PRKD1: variants seen among roughly 807,000 people sequenced by gnomAD.
The protein encoded by PRKD1 is protein kinase D1.
PRKD1 carries 63 observed loss-of-function variants against 95.9 expected under a neutral mutation model. The observed-to-expected ratio is 0.66, with a 90% confidence interval of 0.54 to 0.81. PRKD1 has a LOEUF of 0.81. Ranked by LOEUF, PRKD1 falls within the 30% of genes least tolerant of loss-of-function variation. The pLI is 0.00. For missense variants in PRKD1, 1,048 were observed against 1,165.3 expected, an observed-to-expected ratio of 0.90 and a Z score of 1.47; for synonymous variants, 425 against 423.1, an observed-to-expected ratio of 1.00 and a Z score of -0.05.
intron 2 of PRKD1, among the ~76,000 whole-genome samples, chr14:29,668,957 A>G (rs572113687): frequency 2.5e-4 from 38 of 152,320 alleles, no homozygotes; most frequent in African/African-American, 9.1e-4. Flanking sequence ...GGCAGTCCTG[A>G]CACCAGAACC....
intron 1 of PRKD1, among the ~76,000 whole-genome samples, chr14:29,843,354 G>A (rs1284140670): frequency 6.6e-6 from 1 of 152,124 alleles, no homozygotes; most frequent in African/African-American, 2.4e-5. Context: ...TATTGTTTAA[G>A]TCACCCATTC....
intron 2 of PRKD1, among the ~76,000 whole-genome samples, chr14:29,699,183 T>C (rs1884695928): frequency 6.6e-6 from 1 of 152,196 alleles, no homozygotes; most frequent in South Asian, 2.1e-4. Context: ...AGAGTAAAAA[T>C]GAATTGCTTG....
intron 1 of PRKD1, among the ~76,000 whole-genome samples, chr14:29,865,603 G>A (rs1163136054): frequency 4.6e-5 from 7 of 152,142 alleles, no homozygotes; most frequent in African/African-American, 1.7e-4. Context: ...ATGGGATGAT[G>A]AGGCACAAAT....
At chr14:29,716,659 T>A (rs1053243373) in intron 2 of PRKD1, among the ~76,000 whole-genome samples, 1 of 152,190 alleles carries the variant, frequency 6.6e-6, no homozygotes, top group Non-Finnish European at 1.5e-5. Context: ...TCAAATGAGA[T>A]GAGTATTGGG....
At chr14:29,927,112 A>G in intron 1 of PRKD1, 137 bp downstream of exon 1, 1 of 950,596 alleles carries the variant, frequency 1.1e-6, no homozygotes, top group Non-Finnish European at 1.4e-6. Context: ...CGGCGGGGCC[A>G]GCCGCTTCCA....
intron 1 of PRKD1, among the ~76,000 whole-genome samples, chr14:29,857,575 T>C (rs866744385): frequency 6.6e-6 from 1 of 152,186 alleles, no homozygotes; most frequent in Admixed American, 6.5e-5. Context: ...GATTCAAGTG[T>C]CCTCTTCAGA....
chr14:29,629,067 A>G lies in PRKD1; in HGVS notation c.1699T>C (p.Ser567Pro). 6.2e-7 allele frequency: 1 copy of G among 1,608,386 alleles called. No homozygotes were observed. Among genetic ancestry groups the G allele is most frequent in the Non-Finnish European group, 8.5e-7 (1 of 1,177,336 alleles). The change falls in exon 11 of 18, where the codon TCA becomes CCA. Residue 567 changes from serine (S) to proline (P), a missense_variant. By Grantham distance (74) the Ser-to-Pro change is moderately conservative (BLOSUM62 -1). Transcript: ENST00000331968. Reference sequence around the variant, plus strand: ...ACATTTTCTTGAATCTGGCAATTTGATACTGAAATACTCACAGAGATATCT... The same window carrying G: ...ACATTTTCTTGAATCTGGCAATTTGGTACTGAAATACTCACAGAGATATCT... The part of the protein sequence containing the change: ...HRDISVSISV[S>P]NCQIQENVDI...
chr14:29,694,636 T>C (rs1318745372), intron 2 of PRKD1, among the ~76,000 whole-genome samples: 1 of 152,064 alleles, frequency 6.6e-6, no homozygotes, highest in East Asian at 1.9e-4. Context: ...AATCATGTAG[T>C]ATGTTAGGTA....
intron 1 of PRKD1, among the ~76,000 whole-genome samples, chr14:29,759,828 T>C (rs905258507): frequency 6.6e-6 from 1 of 152,182 alleles, no homozygotes; most frequent in African/African-American, 2.4e-5. Context: ...CAAGAGAGCA[T>C]TCATATGGAA....
At chr14:29,854,458 G>C (rs956138397) in intron 1 of PRKD1, among the ~76,000 whole-genome samples, 64 of 152,274 alleles carry the variant, frequency 4.2e-4, no homozygotes, top group African/African-American at 1.4e-3. Flanking sequence ...ATGATATAGG[G>C]TATCTAGCAG....
chr14:29,868,127 T>A (rs1167593902), intron 1 of PRKD1, among the ~76,000 whole-genome samples: 1 of 152,148 alleles, frequency 6.6e-6, no homozygotes, highest in African/African-American at 2.4e-5. Context: ...TTACCTTATG[T>A]CTGGCCAAGT....
intron 1 of PRKD1, among the ~76,000 whole-genome samples, chr14:29,915,863 C>G (rs1364065705): frequency 6.6e-6 from 1 of 152,154 alleles, no homozygotes; most frequent in East Asian, 1.9e-4. Context: ...TTGGGAGGGT[C>G]TGCTTTTTAC....
chr14:29,684,251 A>G (rs981613523), intron 2 of PRKD1, among the ~76,000 whole-genome samples: 1 of 151,652 alleles, frequency 6.6e-6, no homozygotes, highest in Non-Finnish European at 1.5e-5. Context: ...CTTGGGTTCA[A>G]GCGATTCTCC....
chr14:29,896,362 G>A (rs11628474), intron 1 of PRKD1, among the ~76,000 whole-genome samples: 7,487 of 135,052 alleles, frequency 0.055, 215 homozygotes, highest in East Asian at 0.14. Context: ...AGGCATGTGT[G>A]TGTACACACA....
chr14:29,697,771 C>A (rs1414426590), intron 2 of PRKD1, among the ~76,000 whole-genome samples: 1 of 152,034 alleles, frequency 6.6e-6, no homozygotes, highest in Middle Eastern at 3.2e-3. Flanking sequence ...TTAACTTTAA[C>A]AAACAGTAAG....
At chr14:29,826,565 T>TATATGTATACATATATATGATGGA (rs1891130280) in intron 1 of PRKD1, among the ~76,000 whole-genome samples, 11 of 10,986 alleles carry the variant, frequency 1.0e-3, no homozygotes, top group East Asian at 5.2e-3. Flanking sequence ...TATGATGGAA[T>TATATGTATACATATATATGATGGA]ATATATATAT....
chr14:29,636,400 C>G lies in PRKD1; in HGVS notation c.1080G>C (p.Met360Ile), dbSNP rs371554413. 3 of 1,614,154 alleles carry G rather than the reference C, an allele frequency of 1.9e-6. No homozygotes were observed. The highest frequency in any genetic ancestry group is 4.5e-5 in the East Asian group (2 of 44,862). Reference protein sequence around the residue: ...SERNSGLMDDMEEAMVQDAEM... With the variant: ...SERNSGLMDDIEEAMVQDAEM... ...CTGCATCTTGGACCATTGCTTCTTC[C>G]ATATCATCCATGAGCCCACTGTTCC... The change falls in exon 7 of 18, where the codon ATG becomes ATC. Residue 360 changes from methionine to isoleucine, a missense_variant. Physicochemically the swap from Met to Ile is conservative, Grantham distance 10. Transcript: ENST00000331968.
chr14:29,911,802 C>T (rs1894723264), intron 1 of PRKD1, among the ~76,000 whole-genome samples: 1 of 152,114 alleles, frequency 6.6e-6, no homozygotes, highest in Non-Finnish European at 1.5e-5. Flanking sequence ...TTTTTCTAGG[C>T]AAAAGTCAAA....
In PRKD1 at chr14:29,826,782, C is replaced by CATAT. The variant is rs1358133940; in HGVS notation, c.264+100463_264+100466dup. ...ACATATATATATACACATATATATA[C>CATAT]ATATATACACATATATATACACATA... is the stretch of plus-strand genomic sequence containing the variant. On this transcript the variant is annotated intron_variant, in intron 1 of 17. Coordinates refer to ENST00000331968, the MANE Select transcript of PRKD1 (RefSeq NM_002742.3). 5.2e-3 allele frequency among the ~76,000 whole-genome samples: 132 copies of CATAT among 25,218 alleles called. 32 individuals are homozygous for CATAT. The highest frequency in any genetic ancestry group is 0.018 in the East Asian group (15 of 830). The allele number at this position is 25,218 out of a possible 152,430, so 16.5% of individuals were successfully genotyped here.
Sources: gnomAD v4.1 joint callset for allele counts (sites outside exome capture counted in the v4.1 genomes callset) on GRCh38, gnomAD v4.1.1 for gene constraint, MANE v1.5 for transcripts, NCBI Gene and HGNC (gene_info 2026-07-23, HGNC 2026-07-21) for gene names.